Variants in MMP28 observed in about 807,000 individuals in gnomAD.
MMP28 encodes the protein matrix metalloproteinase-28.
MMP28 carries 55 observed loss-of-function variants against 60.5 expected under a neutral mutation model. The observed-to-expected ratio is 0.91, with a 90% CI of 0.73 to 1.14. MMP28 has a LOEUF of 1.14. Ranked by LOEUF, MMP28 falls within the 50% of genes most tolerant of loss-of-function variation. The probability of loss-of-function intolerance (pLI) is 0.00; values close to 1 mark genes in which losing one functional copy is unlikely to be tolerated. For synonymous variants in MMP28, 318 were observed against 312.5 expected (o/e 1.02, Z -0.18); for missense variants, 686 against 738.3 (o/e 0.93, Z 0.82).
intron 1 of MMP28, among the ~76,000 whole-genome samples, chr17:35,782,091 G>A (rs1047345377): frequency 2.1e-5 from 3 of 140,856 alleles, no homozygotes; most frequent in Non-Finnish European, 4.5e-5. Flanking sequence ...TCGCTCTGTC[G>A]CCCAGGCTGG....
chr17:35,776,771 C>T (rs2086343868), intron 3 of MMP28, among the ~76,000 whole-genome samples: 2 of 152,002 alleles, frequency 1.3e-5, no homozygotes. Context: ...CACCTGTAAT[C>T]CTAGCTATTC....
downstream of MMP28, chr17:35,763,842 A>G: frequency 2.1e-6 from 1 of 473,268 alleles, no homozygotes; most frequent in Non-Finnish European, 3.2e-6. Context: ...GGTTGCAGTG[A>G]GCAGAGATCA....
chr17:35,775,199 G>A (rs935961136), intron 3 of MMP28, among the ~76,000 whole-genome samples: 85 of 152,192 alleles, frequency 5.6e-4, no homozygotes, highest in African/African-American at 1.8e-3. Context: ...GAGAGAAAAC[G>A]ACTGTTTTCC....
chr17:35,763,036 G>C (rs1440676870), downstream of MMP28, among the ~76,000 whole-genome samples: 2 of 151,754 alleles, frequency 1.3e-5, no homozygotes, highest in Non-Finnish European at 2.9e-5. Flanking sequence ...GCAGGAGAAT[G>C]GCGTGAACCC....
chr17:35,766,042 G>T lies in MMP28; in HGVS notation c.*458C>A. On this transcript the variant is annotated 3_prime_UTR_variant, in exon 8 of 8. Transcript: ENST00000605424. This position sits in a 1 kb window ranked among gnomAD's most constrained non-coding sequence, Gnocchi z 4.3. ...CCCATCCATGCTTCCTGGGGGTGGG[G>T]CCTCTGACTAAATATGACACCGTTT... 2.0e-6 allele frequency: 2 copies of T among 985,418 alleles called. No individual in the cohort carries two copies. The highest frequency in any genetic ancestry group is 1.7e-5 in the African/African-American group (1 of 57,366). The allele number at this position is 985,418 out of a possible 1,614,324, so 61.0% of individuals were successfully genotyped here. A position where few individuals can be genotyped will look rare whatever the true frequency, so the allele number is the denominator to read the frequency against.
chr17:35,779,287 C>A lies in MMP28; in HGVS notation c.148G>T (p.Val50Phe). ...LEKYGYLNEQVPKAPTSTRFS... is the reference protein window; with the variant it reads ...LEKYGYLNEQFPKAPTSTRFS... ...CGAGTGGAGGTGGGAGCTTTGGGGA[C>A]CTGTTCATTGAGGTATCCGTACTTC... Residue 50 changes from valine to phenylalanine, a missense_variant, in exon 2 of 8, where the codon GTC becomes TTC. Transcript: ENST00000605424. 6.2e-7 allele frequency: 1 copy of A among 1,613,382 alleles called. No homozygotes were observed. The highest frequency in any genetic ancestry group is 2.2e-5 in the East Asian group (1 of 44,858).
chr17:35,763,122 C>CA (rs56180495), downstream of MMP28, among the ~76,000 whole-genome samples: 676 of 103,046 alleles, frequency 6.6e-3, 2 homozygotes, highest in Non-Finnish European at 7.9e-3. Context: ...ACTCCGTCTC[C>CA]AAAAAAAAAA....
downstream of MMP28, among the ~76,000 whole-genome samples, chr17:35,763,811 C>T (rs1370033362): frequency 6.6e-6 from 1 of 151,884 alleles, no homozygotes; most frequent in East Asian, 1.9e-4. Context: ...GCAAAAGAAT[C>T]GCTTGAGCCC....
downstream of MMP28, chr17:35,761,015 C>T: frequency 6.5e-7 from 1 of 1,542,808 alleles, no homozygotes; most frequent in Non-Finnish European, 8.7e-7. Flanking sequence ...CTAGCTTGGA[C>T]AATCCAGCCC....
intron 7 of MMP28, 109 bp from the exon 8 acceptor site, chr17:35,767,003 TG>T: frequency 9.6e-7 from 1 of 1,036,688 alleles, no homozygotes; most frequent in Non-Finnish European, 1.4e-6. Flanking sequence ...GAGCCCACGA[TG>T]GTTGGTATTC....
chr17:35,784,358 A>G (rs1555610032), intron 1 of MMP28, among the ~76,000 whole-genome samples: 1 of 150,936 alleles, frequency 6.6e-6, no homozygotes, highest in Admixed American at 6.6e-5. Context: ...TTTTATGCTT[A>G]ACATGTGTAT....
At chr17:35,793,297 G>A (rs2086868491) in intron 1 of MMP28, among the ~76,000 whole-genome samples, 1 of 152,176 alleles carries the variant, frequency 6.6e-6, no homozygotes, top group African/African-American at 2.4e-5. Flanking sequence ...CACAGGCATG[G>A]GCAGCAGAGA....
chr17:35,782,264 C>T (rs1033154373), intron 1 of MMP28, among the ~76,000 whole-genome samples: 2 of 152,056 alleles, frequency 1.3e-5, no homozygotes, highest in Non-Finnish European at 2.9e-5. Context: ...ACCATGTTAG[C>T]CAGGATGGTC....
chr17:35,783,564 A>G (rs2086566324), intron 1 of MMP28, among the ~76,000 whole-genome samples: 2 of 152,172 alleles, frequency 1.3e-5, no homozygotes, highest in Non-Finnish European at 2.9e-5. Flanking sequence ...GTGACTTGGG[A>G]GAGACCAGGT....
intron 1 of MMP28, among the ~76,000 whole-genome samples, chr17:35,790,222 C>T (rs1349965719): frequency 6.6e-6 from 1 of 151,892 alleles, no homozygotes; most frequent in Non-Finnish European, 1.5e-5. Context: ...TGCCACTACA[C>T]CTGGCTAATT....
At chr17:35,759,902 A>C (rs1197034832) in intron 2 of MMP28, among the ~76,000 whole-genome samples, 1 of 152,174 alleles carries the variant, frequency 6.6e-6, no homozygotes, top group Non-Finnish European at 1.5e-5. Flanking sequence ...TTGGAGCCTC[A>C]TGTTTTCTGG....
In MMP28 at chr17:35,758,962, T is replaced by G. The variant is rs369096635; in HGVS notation, c.266-2543A>C. 4.1e-4 allele frequency among the ~76,000 whole-genome samples: 62 copies of G among 152,228 alleles called. 1 individual carries two copies. In the East Asian group the frequency reaches 8.1e-3, roughly 20 times the overall value. ...GATGGTCTTTGAACAGGCTCACTGG[T>G]TTAGATGTGCCTGCCAGGGGCATTA... is the stretch of plus-strand genomic sequence containing the variant. On this transcript the variant is annotated intron_variant, in intron 2 of 2. Transcript: ENST00000615317.
Position 35,766,546 on chromosome 17 carries a change from G to T in MMP28, c.1517C>A (p.Pro506His). The T allele has an allele frequency of 6.2e-7, 1 of 1,609,542 alleles. No homozygotes were observed. Among genetic ancestry groups the T allele is most frequent in the Non-Finnish European group, 8.5e-7 (1 of 1,178,818 alleles). Residue 506 changes from proline to histidine, a missense_variant, in exon 8 of 8, where the codon CCC becomes CAC. Pro to His is a moderately conservative substitution (Grantham distance 77). Transcript: ENST00000605424. The surrounding 1 kb of genome is among the most constrained non-coding windows in gnomAD (Gnocchi z 4.3). ...GTTGGCATGCCAGCAGCCCATCCAG[G>T]GCAGCTCGGTGGCCCAGCGGCCCGA... ...TTSGRWATEL[P>H]WMGCWHANSG...
intron 3 of MMP28, among the ~76,000 whole-genome samples, chr17:35,776,264 C>T (rs1293752912): frequency 1.3e-5 from 2 of 151,952 alleles, no homozygotes; most frequent in East Asian, 1.9e-4. Flanking sequence ...CTCTACCTCC[C>T]GGGTTCAAGG....
Sources: allele counts gnomAD v4.1 joint callset (sites outside exome capture counted in the v4.1 genomes callset), GRCh38; gene constraint gnomAD v4.1.1; non-coding constraint Gnocchi (gnomAD v3.1); transcripts MANE v1.5; gene names NCBI Gene and HGNC (gene_info 2026-07-23, HGNC 2026-07-21).